DNAH12: variants seen among roughly 807,000 people sequenced by gnomAD.
DNAH12 encodes the protein axonemal beta dynein heavy chain 12.
In DNAH12, 285 loss-of-function variants were observed where a neutral mutation model predicts 371.5. That is an observed-to-expected ratio of 0.77 (90% CI 0.70 to 0.85). The LOEUF (loss-of-function observed/expected upper bound fraction) is 0.85. Among genes scored for constraint, DNAH12 ranks in the 40% least tolerant of loss-of-function variants. The probability of loss-of-function intolerance (pLI) is 0.00; values close to 1 mark genes in which losing one functional copy is unlikely to be tolerated. For synonymous variants in DNAH12, 1,200 were observed against 1,213.0 expected (o/e 0.99, Z 0.22); for missense variants, 3,611 against 3,689.4 (o/e 0.98, Z 0.55).
Position 57,408,516 on chromosome 3 carries a change from T to C in DNAH12, c.6040A>G (p.Ser2014Gly). The C allele has an allele frequency of 6.5e-7, 1 of 1,548,482 alleles. No individual in the cohort carries two copies. Among genetic ancestry groups the C allele is most frequent in the Non-Finnish European group, 8.7e-7 (1 of 1,145,552 alleles). ...TCTATGTCCACCAGCGTGATTTTAC[T>C]TGTGTCCTTAAGGTCGTACCTTAGA... ...CGHWYDLKDT[S>G]KITLVDIELI... Residue 2014 changes from serine (S) to glycine (G), a missense_variant, in exon 40 of 74, where the codon AGT becomes GGT. Ser to Gly is a moderately conservative substitution (Grantham distance 56). Around this residue, in one of 3 missense-constraint regions of DNAH12, gnomAD observed 2,266 missense variants for 2,236.9 expected, o/e 1.01. Coordinates refer to ENST00000495027, the MANE Select transcript of DNAH12 (RefSeq NM_001366028.2).
In DNAH12 at chr3:57,334,534, T is replaced by G. The variant is rs976897181; in HGVS notation, c.9909A>C (p.Pro3303=). The G allele has an allele frequency of 1.3e-6, 2 of 1,551,000 alleles. No individual in the cohort carries two copies. ...CATTTAGGTTCTTATCCATTGGTGC[T>G]GGAAATTTAGCATTATGTGGCTCTT... ...DSKEPHNAKF[P]APMDKNLNEL... is the part of the protein sequence containing the mutation. The change falls in exon 62 of 74, where the codon CCA becomes CCC. Residue 3303 remains proline, a synonymous_variant. Coordinates refer to ENST00000495027, the MANE Select transcript of DNAH12 (RefSeq NM_001366028.2).
chr3:57,452,713 G>T, intron 25 of DNAH12, 130 bp downstream of exon 25: 1 of 851,562 alleles, frequency 1.2e-6, no homozygotes, highest in Non-Finnish European at 1.7e-6. Flanking sequence ...TTATAATTTT[G>T]CATAAAGAGA....
intron 45 of DNAH12, among the ~76,000 whole-genome samples, chr3:57,390,424 A>AAAAATATATATAT: frequency 3.0e-5 from 1 of 33,422 alleles, no homozygotes; most frequent in African/African-American, 6.3e-5. Flanking sequence ...AAAAAAAAAA[A>AAAAATATATATAT]ATATATATAT....
At chr3:57,390,424 A>AAAAAAAAAAAAAAAAAAAATATATATAT in intron 45 of DNAH12, among the ~76,000 whole-genome samples, 1 of 33,422 alleles carries the variant, frequency 3.0e-5, no homozygotes, top group Admixed American at 5.6e-4. Flanking sequence ...AAAAAAAAAA[A>AAAAAAAAAAAAAAAAAAAATATATATAT]ATATATATAT....
At chr3:57,360,142 C>A (rs1179178533) in intron 58 of DNAH12, among the ~76,000 whole-genome samples, 3 of 152,206 alleles carry the variant, frequency 2.0e-5, no homozygotes, top group South Asian at 2.1e-4. Context: ...GGTGAGGGAA[C>A]AAGTAGCAGC....
At chr3:57,339,968 G>A (rs561794333) in intron 60 of DNAH12, among the ~76,000 whole-genome samples, 31 of 152,202 alleles carry the variant, frequency 2.0e-4, no homozygotes, top group African/African-American at 7.5e-4. Flanking sequence ...CTACTTGGGA[G>A]GCTGATATGG....
At chr3:57,506,693 GGGCCTCCCAAA>G (rs1445656854) in intron 8 of DNAH12, among the ~76,000 whole-genome samples, 3 of 152,014 alleles carry the variant, frequency 2.0e-5, no homozygotes, top group African/African-American at 7.3e-5. Context: ...CCACCTGCCT[GGGCCTCCCAAA>G]GTGCTGGTAT....
At chr3:57,401,630 C>T (rs2063870018) in intron 43 of DNAH12, among the ~76,000 whole-genome samples, 1 of 149,400 alleles carries the variant, frequency 6.7e-6, no homozygotes, top group Admixed American at 6.7e-5. Context: ...TAACTAGACA[C>T]CTCAAGGAAC....
chr3:57,306,336 G>T (rs1478868580), intron 69 of DNAH12, among the ~76,000 whole-genome samples: 1 of 152,076 alleles, frequency 6.6e-6, no homozygotes. Flanking sequence ...GGTATTGACG[G>T]CCAGGCTTCT....
intron 19 of DNAH12, among the ~76,000 whole-genome samples, chr3:57,460,993 TC>T (rs1438276914): frequency 6.6e-6 from 1 of 152,146 alleles, no homozygotes; most frequent in African/African-American, 2.4e-5. Context: ...ATTTATATAG[TC>T]CCCAGTTAGG....
chr3:57,444,335 G>A (rs753815972), intron 29 of DNAH12, among the ~76,000 whole-genome samples: 1 of 151,878 alleles, frequency 6.6e-6, no homozygotes, highest in African/African-American at 2.4e-5. Context: ...GTGCAGTGGT[G>A]GGACACCACC....
At position 57,446,578 on chromosome 3, in the gene DNAH12, A is replaced by G. The variant is rs1388356407; in HGVS notation, c.3898T>C (p.Phe1300Leu). ...AKALAVQCVVFNCSDGLDYLA... is the reference protein window; with the variant it reads ...AKALAVQCVVLNCSDGLDYLA... ...TAATCTAGCCCATCAGAACAGTTGA[A>G]CACCACACACTGTACAGCAAGAGCT... Residue 1300 changes from phenylalanine (F) to leucine (L), a missense_variant, in exon 26 of 74, where the codon TTC (phenylalanine) becomes CTC (leucine). Around this residue, in one of 3 missense-constraint regions of DNAH12, gnomAD observed 2,266 missense variants for 2,236.9 expected, o/e 1.01. Coordinates refer to ENST00000495027, the MANE Select transcript of DNAH12 (RefSeq NM_001366028.2). The G allele has an allele frequency of 6.5e-7, 1 of 1,548,660 alleles. No individual in the cohort carries two copies. Among genetic ancestry groups the G allele is most frequent in the South Asian group, 1.2e-5 (1 of 83,172 alleles).
chr3:57,465,202 A>G (rs191085085), intron 17 of DNAH12, among the ~76,000 whole-genome samples: 87 of 152,316 alleles, frequency 5.7e-4, no homozygotes, highest in Non-Finnish European at 1.1e-3. Context: ...GACTTAGCTA[A>G]CCCGTGGTCC....
rs565369455 is a variant in DNAH12 at position 57,403,626 on chromosome 3, T to A, written c.6756-125A>T. 8 of 848,060 alleles carry A rather than the reference T, an allele frequency of 9.4e-6. No homozygotes were observed. The South Asian group carries it at 2.2e-4, about 23-fold the overall frequency. The allele number at this position is 848,060 out of a possible 1,614,324, so 52.5% of individuals were successfully genotyped here. On this transcript the variant is annotated intron_variant, in intron 42 of 73. Transcript: ENST00000495027. The stretch of plus-strand genomic sequence containing the variant: ...GCTGTCCCATATGTTACTATCCCAA[T>A]TTTAAAGAGTTTACTATCAAAAAGT...
At chr3:57,448,277 G>C (rs1189832235) in intron 25 of DNAH12, among the ~76,000 whole-genome samples, 1 of 152,066 alleles carries the variant, frequency 6.6e-6, no homozygotes, top group Admixed American at 6.5e-5. Context: ...TCGTGGTCTC[G>C]CTGGCTCAGG....
chr3:57,461,093 C>T (rs2066041645), intron 19 of DNAH12, among the ~76,000 whole-genome samples: 1 of 152,080 alleles, frequency 6.6e-6, no homozygotes, highest in South Asian at 2.1e-4. Context: ...TCATTAATTA[C>T]TCTAAAAGAT....
intron 11 of DNAH12, among the ~76,000 whole-genome samples, chr3:57,499,172 A>G (rs2067424677): frequency 1.3e-5 from 2 of 152,156 alleles, no homozygotes; most frequent in Admixed American, 6.5e-5. Context: ...AACCTAATCT[A>G]TAGTAACAGA....
intron 73 of DNAH12, among the ~76,000 whole-genome samples, chr3:57,294,490 G>C (rs754635512): frequency 6.6e-6 from 1 of 152,092 alleles, no homozygotes; most frequent in Non-Finnish European, 1.5e-5. Flanking sequence ...CAAGTATTTC[G>C]TATGGTGCAT....
At chr3:57,426,523 G>A (rs1386880182) in intron 34 of DNAH12, among the ~76,000 whole-genome samples, 1 of 151,928 alleles carries the variant, frequency 6.6e-6, no homozygotes, top group Non-Finnish European at 1.5e-5. Context: ...ACTTTATCAA[G>A]AAGGGAAAAT....
Sources: allele counts gnomAD v4.1 joint callset (sites outside exome capture counted in the v4.1 genomes callset), GRCh38; gene constraint gnomAD v4.1.1; regional missense constraint gnomAD v4.1.1; transcripts MANE v1.5; gene names NCBI Gene and HGNC (gene_info 2026-07-23, HGNC 2026-07-21).